The following SYNE3 variants were observed in gnomAD, a reference collection of about 807,000 sequenced individuals.
The protein encoded by SYNE3 is spectrin repeat containing nuclear envelope family member 3, also known as nesprin-3.
A neutral mutation model predicts 111.2 loss-of-function variants in SYNE3; 100 were observed. The observed-to-expected ratio is 0.90, with a 90% CI of 0.77 to 1.06. SYNE3 has a LOEUF of 1.06. Among genes scored for constraint, SYNE3 ranks in the 50% least tolerant of loss-of-function variants. SYNE3 has a pLI of 0.00. For synonymous variants in SYNE3, 547 were observed against 533.9 expected, an observed-to-expected ratio of 1.02 and a Z score of -0.34; for missense variants, 1,160 against 1,240.3, an observed-to-expected ratio of 0.94 and a Z score of 0.97.
At chr14:95,438,805 C>T (rs897597425) in intron 14 of SYNE3, 8 of 531,654 alleles carry the variant, frequency 1.5e-5, no homozygotes, top group East Asian at 9.5e-5. Flanking sequence ...CCCCTACTGC[C>T]CTGGTGGCCT....
At chr14:95,463,206 A>C (rs1252028979) in intron 4 of SYNE3, among the ~76,000 whole-genome samples, 1 of 150,798 alleles carries the variant, frequency 6.6e-6, no homozygotes, top group Non-Finnish European at 1.5e-5. Flanking sequence ...CTTCATAAAA[A>C]GACTGGGGGA....
chr14:95,481,977 A>G (rs1889286761), intron 1 of SYNE3, among the ~76,000 whole-genome samples: 1 of 152,214 alleles, frequency 6.6e-6, no homozygotes, highest in South Asian at 2.1e-4. Context: ...CGCTGGGTCC[A>G]GACCTCTCTC....
chr14:95,448,951 C>T (rs894723913), intron 8 of SYNE3, among the ~76,000 whole-genome samples: 6 of 152,220 alleles, frequency 3.9e-5, no homozygotes, highest in African/African-American at 1.2e-4. Context: ...CACACCTTTA[C>T]ACTCTCCAAG....
At position 95,410,843 on chromosome 14, in the gene SYNE3, C is replaced by T. The variant is rs1454789794; in HGVS notation, c.*6983G>A. ...AGGATACCTAATATTTCAGGGAGCA[C>T]TGAACGCTCCAGGGCTGACTTCCCT... On this transcript the variant is annotated 3_prime_UTR_variant, in exon 18 of 18. Coordinates refer to ENST00000682763, the MANE Select transcript of SYNE3 (RefSeq NM_152592.6). 6.6e-6 allele frequency: 1 copy of T among 152,200 alleles called. No individual in the cohort carries two copies. The highest frequency in any genetic ancestry group is 1.5e-5 in the Non-Finnish European group (1 of 68,060). 9.4% of individuals were successfully genotyped at this position (152,200 alleles called of 1,614,324 possible).
At chr14:95,512,898 ACACT>A (rs1489345499) in intron 1 of SYNE3, among the ~76,000 whole-genome samples, 2 of 152,076 alleles carry the variant, frequency 1.3e-5, no homozygotes, top group African/African-American at 4.8e-5. Flanking sequence ...ATAAAAAATA[ACACT>A]CACAAGCCTA....
Position 95,450,011 on chromosome 14 carries a change from C to G in SYNE3, c.1369G>C (p.Ala457Pro). The change falls in exon 8 of 18, where the codon GCC (alanine) becomes CCC (proline). Residue 457 changes from alanine to proline, a missense_variant. Transcript: ENST00000682763. ...ACCTCCAAGAGCCGCTGGGCCAGGG[C>G]CTTCCACAGCTGCAGATCCTGCAGA... ...RPLQDLQLWK[A>P]LAQRLLEVTA... 6.4e-7 allele frequency: 1 copy of G among 1,556,630 alleles called. No individual in the cohort carries two copies. Among genetic ancestry groups the G allele is most frequent in the Non-Finnish European group, 8.7e-7 (1 of 1,150,004 alleles).
chr14:95,496,012 GT>G (rs2139583863), intron 1 of SYNE3, among the ~76,000 whole-genome samples: 1 of 152,272 alleles, frequency 6.6e-6, no homozygotes, highest in African/African-American at 2.4e-5. Flanking sequence ...CAAAACCCAG[GT>G]CTCTCCCACC....
At chr14:95,463,798 G>A (rs2139466740) in intron 4 of SYNE3, among the ~76,000 whole-genome samples, 1 of 152,362 alleles carries the variant, frequency 6.6e-6, no homozygotes, top group Admixed American at 6.5e-5. Context: ...CTGCAGGGGT[G>A]GAGTTCTCAT....
intron 1 of SYNE3, among the ~76,000 whole-genome samples, chr14:95,512,461 G>C (rs953083942): frequency 1.3e-5 from 2 of 152,210 alleles, no homozygotes; most frequent in Non-Finnish European, 2.9e-5. Context: ...GGCTGAGGCA[G>C]AACAATGGCT....
chr14:95,504,821 A>T (rs1031680762), intron 1 of SYNE3, among the ~76,000 whole-genome samples: 2 of 93,946 alleles, frequency 2.1e-5, no homozygotes, highest in Non-Finnish European at 4.4e-5. Context: ...CCTCTATCTA[A>T]AAAAAAAGAA....
rs201173477 is a variant in SYNE3, at chr14:95,450,088, G to A, written c.1292C>T (p.Ala431Val). Residue 431 changes from alanine to valine, a missense_variant, in exon 8 of 18, where the codon GCG becomes GTG. By Grantham distance (64) the Ala-to-Val change is moderately conservative. Coordinates refer to ENST00000682763, the MANE Select transcript of SYNE3 (RefSeq NM_152592.6). ...CACCGCCGCGGCATTGCGCAGCCTC[G>A]CGCTCTTCACCTTCAGGCTGCAAGG... ...QEYQSLKVKS[A>V]RLRNAAAVEL... is the part of the protein sequence containing the mutation. The A allele has an allele frequency of 1.3e-6, 2 of 1,575,482 alleles. No homozygotes were observed. The highest frequency in any genetic ancestry group is 1.8e-5 in the Admixed American group (1 of 55,140).
intron 1 of SYNE3, among the ~76,000 whole-genome samples, chr14:95,479,155 G>A (rs1478058144): frequency 6.7e-6 from 1 of 148,778 alleles, no homozygotes; most frequent in Non-Finnish European, 1.5e-5. Context: ...AGCAGTTTGG[G>A]AGGCTGATAC....
rs114322899 is a variant in SYNE3 at position 95,408,786 on chromosome 14, C to T, written c.*9040G>A. 0.01 allele frequency: 2,321 copies of T among 222,424 alleles called. 61 individuals are homozygous for T. The highest frequency in any genetic ancestry group is 0.049 in the African/African-American group (2,150 of 43,514). 13.8% of individuals were successfully genotyped at this position (222,424 alleles called of 1,614,324 possible). ...GTAAAACTTCTGGAACATGCACAAGCGACTGCCTCCTTGTTTCTCCCATGA... is the reference window on the plus strand; with the variant it reads ...GTAAAACTTCTGGAACATGCACAAGTGACTGCCTCCTTGTTTCTCCCATGA... On this transcript the variant is annotated 3_prime_UTR_variant, in exon 18 of 18. Transcript: ENST00000682763.
chr14:95,471,236 T>G (rs1435258227), intron 2 of SYNE3, among the ~76,000 whole-genome samples: 1 of 152,120 alleles, frequency 6.6e-6, no homozygotes, highest in Non-Finnish European at 1.5e-5. Context: ...GGGGAAGAAG[T>G]GAAATTCCAT....
rs1566964249 is a variant in SYNE3 at position 95,443,288 on chromosome 14, C to G, written c.1778G>C (p.Gly593Ala). ...GKQAQLSRLQ[G>A]LQEEGLDLGA... ...CAAGTCCAGCCCCTCTTCCTGCAGCCCCTGCAGTAGAGAAGGGAACAGGTA... is the reference window on the plus strand; with the variant it reads ...CAAGTCCAGCCCCTCTTCCTGCAGCGCCTGCAGTAGAGAAGGGAACAGGTA... The change falls in exon 11 of 18, where the codon GGG (glycine) becomes GCG (alanine). Residue 593 changes from glycine (G) to alanine (A), a missense_variant and splice_region_variant. By Grantham distance (60) the Gly-to-Ala change is moderately conservative (BLOSUM62 0). Coordinates refer to ENST00000682763, the MANE Select transcript of SYNE3 (RefSeq NM_152592.6). 2 of 1,614,078 alleles carry G rather than the reference C, an allele frequency of 1.2e-6. No homozygotes were observed. The highest frequency in any genetic ancestry group is 2.7e-5 in the African/African-American group (2 of 74,928).
Position 95,408,891 on chromosome 14 carries a change from G to A in SYNE3, c.*8935C>T, listed in dbSNP as rs115639017. 4.4e-3 allele frequency: 1,543 copies of A among 350,588 alleles called. 23 individuals carry two copies. The highest frequency in any genetic ancestry group is 0.031 in the African/African-American group (1,451 of 46,742). The allele number at this position is 350,588 out of a possible 1,614,324, so 21.7% of individuals were successfully genotyped here. ...TGCCTGCCCCCGCAAGGGCTGGCCT[G>A]TCCGTGCTTTTCCAGTGGGAAGGTA... On this transcript the variant is annotated 3_prime_UTR_variant, in exon 18 of 18. Coordinates refer to ENST00000682763, the MANE Select transcript of SYNE3 (RefSeq NM_152592.6).
At chr14:95,466,390 C>T in intron 3 of SYNE3, 150 bp from the exon 4 acceptor site, 1 of 827,866 alleles carries the variant, frequency 1.2e-6, no homozygotes, top group Non-Finnish European at 1.8e-6. Context: ...ACCTGGGCAG[C>T]TTGTTGACAC....
At chr14:95,458,597 C>T (rs1887605542) in intron 4 of SYNE3, among the ~76,000 whole-genome samples, 1 of 152,214 alleles carries the variant, frequency 6.6e-6, no homozygotes, top group African/African-American at 2.4e-5. Flanking sequence ...GCCATGCCCA[C>T]TGCCCCAGGC....
Position 95,467,885 on chromosome 14 carries a change from G to T in SYNE3, c.227C>A (p.Pro76His). Reference sequence around the variant, plus strand: ...CAGGATCCCGGGCTTCTGGTCCCCAGGGCAGCATGCCAAGAGGGCTTCAGC... The same window carrying T: ...CAGGATCCCGGGCTTCTGGTCCCCATGGCAGCATGCCAAGAGGGCTTCAGC... ...RMAEALLACC[P>H]GDQKPGILAR... Residue 76 changes from proline to histidine, a missense_variant, in exon 3 of 18, where the codon CCT becomes CAT. Coordinates refer to ENST00000682763, the MANE Select transcript of SYNE3 (RefSeq NM_152592.6). 1 of 1,614,220 alleles carries T rather than the reference G, an allele frequency of 6.2e-7. No individual in the cohort carries two copies. Among genetic ancestry groups the T allele is most frequent in the African/African-American group, 1.3e-5 (1 of 75,052 alleles).
Sources: gnomAD v4.1 joint callset for allele counts (sites outside exome capture counted in the v4.1 genomes callset) on GRCh38, gnomAD v4.1.1 for gene constraint, MANE v1.5 for transcripts, NCBI Gene and HGNC (gene_info 2026-07-23, HGNC 2026-07-21) for gene names.